Variants in CNTNAP5 observed in about 807,000 individuals in gnomAD.
CNTNAP5 encodes contactin-associated protein-like 5.
CNTNAP5 carries 72 observed loss-of-function variants against 150.2 expected under a neutral mutation model. The observed-to-expected ratio is 0.48, with a 90% CI of 0.40 to 0.58. The LOEUF (loss-of-function observed/expected upper bound fraction) is 0.58. Among genes scored for constraint, CNTNAP5 ranks in the 20% least tolerant of loss-of-function variants. The pLI is 0.00. For missense variants in CNTNAP5, 1,636 were observed against 1,626.2 expected, an observed-to-expected ratio of 1.01 and a Z score of -0.10; for synonymous variants, 672 against 619.8, an observed-to-expected ratio of 1.08 and a Z score of -1.25.
intron 6 of CNTNAP5, among the ~76,000 whole-genome samples, chr2:124,448,780 T>A (rs1388449830): frequency 6.6e-6 from 1 of 152,180 alleles, no homozygotes; most frequent in Non-Finnish European, 1.5e-5. Context: ...TCAACAAAGG[T>A]CAGCAAAAGC....
chr2:124,834,126 GA>G (rs1682775632), intron 19 of CNTNAP5, among the ~76,000 whole-genome samples: 1 of 152,118 alleles, frequency 6.6e-6, no homozygotes, highest in Non-Finnish European at 1.5e-5. Context: ...TCCACATCAT[GA>G]AATTGAGGAA....
At position 124,554,142 on chromosome 2, in the gene CNTNAP5, T is replaced by C. The variant is rs149045093; in HGVS notation, c.1650-9075T>C. Among the ~76,000 whole-genome samples, 707 of 152,274 alleles carry C rather than the reference T, an allele frequency of 4.6e-3. 4 individuals are homozygous for C. The highest frequency in any genetic ancestry group is 0.016 in the African/African-American group (676 of 41,570). ...TACAATGTCTTTTTCTATTTATAAA[T>C]CTAGCAGGTCTTAGCTATCAAGTCT... is the stretch of plus-strand genomic sequence containing the variant. On this transcript the variant is annotated intron_variant, in intron 10 of 23. Coordinates refer to ENST00000682447, the MANE Select transcript of CNTNAP5 (RefSeq NM_001367498.1).
intron 4 of CNTNAP5, among the ~76,000 whole-genome samples, chr2:124,428,934 C>A (rs1324922172): frequency 7.2e-5 from 11 of 152,058 alleles, no homozygotes; most frequent in Admixed American, 7.2e-4. Flanking sequence ...ATAAAGAGCC[C>A]ATGTCTACCC....
chr2:124,451,071 T>C (rs1352058886), intron 6 of CNTNAP5, among the ~76,000 whole-genome samples: 4 of 98,264 alleles, frequency 4.1e-5, no homozygotes, highest in African/African-American at 1.5e-4. Flanking sequence ...TATATATATA[T>C]ATATATACAC....
Position 124,747,110 on chromosome 2 carries a change from G to A in CNTNAP5, c.2078-119G>A, listed in dbSNP as rs553265921. The stretch of plus-strand genomic sequence containing the variant: ...GTGAGGGAGGGAAGAAGACAGGAAG[G>A]GAAGGAGATTATCTATATACATCTA... On this transcript the variant is annotated intron_variant, in intron 13 of 23. Coordinates refer to ENST00000682447, the MANE Select transcript of CNTNAP5 (RefSeq NM_001367498.1). 3.5e-5 allele frequency: 29 copies of A among 821,514 alleles called. No homozygotes were observed. The East Asian group carries it at 8.5e-4, about 24-fold the overall frequency. 50.9% of individuals were successfully genotyped at this position (821,514 alleles called of 1,614,324 possible).
intron 1 of CNTNAP5, among the ~76,000 whole-genome samples, chr2:124,198,008 T>A (rs908831063): frequency 6.6e-6 from 1 of 151,458 alleles, no homozygotes. Flanking sequence ...AAAATAATAA[T>A]AATAATAAAA....
At chr2:124,360,291 G>A (rs928822832) in intron 3 of CNTNAP5, among the ~76,000 whole-genome samples, 1 of 150,900 alleles carries the variant, frequency 6.6e-6, no homozygotes, top group African/African-American at 2.4e-5. Context: ...TTTAATTGGA[G>A]CATTTAGTCC....
intron 11 of CNTNAP5, among the ~76,000 whole-genome samples, chr2:124,572,117 T>G (rs572871481): frequency 6.6e-6 from 1 of 152,292 alleles, no homozygotes; most frequent in South Asian, 2.1e-4. Flanking sequence ...TTGAGAGGAT[T>G]TCATTCTCCT....
chr2:124,365,770 A>G (rs932038720), intron 3 of CNTNAP5, among the ~76,000 whole-genome samples: 4 of 152,198 alleles, frequency 2.6e-5, no homozygotes, highest in African/African-American at 9.6e-5. Context: ...ATGCACATGA[A>G]AGATCTAAAA....
intron 19 of CNTNAP5, among the ~76,000 whole-genome samples, chr2:124,819,812 C>A (rs1336357991): frequency 1.3e-5 from 2 of 152,150 alleles, no homozygotes; most frequent in Non-Finnish European, 2.9e-5. Flanking sequence ...GAGAAAATAT[C>A]CAGGCCTCGA....
intron 13 of CNTNAP5, among the ~76,000 whole-genome samples, chr2:124,733,389 T>A (rs1392278210): frequency 6.6e-6 from 1 of 152,128 alleles, no homozygotes; most frequent in African/African-American, 2.4e-5. Flanking sequence ...AATAAAATTG[T>A]TAGAGAAGAC....
At chr2:124,824,996 C>T (rs2104673476) in intron 19 of CNTNAP5, among the ~76,000 whole-genome samples, 1 of 152,260 alleles carries the variant, frequency 6.6e-6, no homozygotes, top group African/African-American at 2.4e-5. Flanking sequence ...CGGTAGACTT[C>T]TATTCATATT....
intron 3 of CNTNAP5, among the ~76,000 whole-genome samples, chr2:124,363,538 A>G (rs922829967): frequency 1.2e-4 from 19 of 152,154 alleles, no homozygotes; most frequent in African/African-American, 4.6e-4. Flanking sequence ...TTTTTCTCAT[A>G]TCTCACAATA....
chr2:124,646,015 C>G (rs1171951543), intron 12 of CNTNAP5, among the ~76,000 whole-genome samples: 1 of 152,166 alleles, frequency 6.6e-6, no homozygotes, highest in Non-Finnish European at 1.5e-5. Flanking sequence ...CAAACACCTC[C>G]CTCCAGGTCC....
chr2:124,904,457 A>T (rs1225273156), intron 22 of CNTNAP5, among the ~76,000 whole-genome samples: 1 of 151,890 alleles, frequency 6.6e-6, no homozygotes, highest in Non-Finnish European at 1.5e-5. Context: ...CAGGCATCTC[A>T]CTCCCTGATT....
At chr2:124,643,189 A>G (rs1047078106) in intron 12 of CNTNAP5, among the ~76,000 whole-genome samples, 1 of 152,246 alleles carries the variant, frequency 6.6e-6, no homozygotes, top group African/African-American at 2.4e-5. Flanking sequence ...TGCCTATTCA[A>G]AAATCTCCAA....
At chr2:124,396,151 A>G (rs980884822) in intron 3 of CNTNAP5, among the ~76,000 whole-genome samples, 9 of 152,238 alleles carry the variant, frequency 5.9e-5, no homozygotes, top group Non-Finnish European at 1.3e-4. Context: ...CAAGCTAAGG[A>G]ACTCCATATG....
At chr2:124,127,388 C>T (rs1053873580) in intron 1 of CNTNAP5, among the ~76,000 whole-genome samples, 2 of 152,070 alleles carry the variant, frequency 1.3e-5, no homozygotes, top group African/African-American at 4.8e-5. Context: ...AACTACAGAC[C>T]ACTCCTCAAC....
intron 19 of CNTNAP5, among the ~76,000 whole-genome samples, chr2:124,851,450 G>A (rs1558800211): frequency 6.6e-6 from 1 of 152,322 alleles, no homozygotes; most frequent in East Asian, 1.9e-4. Context: ...AAAGAGAATT[G>A]TAAAGGAATG....
Sources: allele counts gnomAD v4.1 joint callset (sites outside exome capture counted in the v4.1 genomes callset), GRCh38; gene constraint gnomAD v4.1.1; transcripts MANE v1.5; gene names NCBI Gene and HGNC (gene_info 2026-07-23, HGNC 2026-07-21).